Variants in SYNE2 observed in about 807,000 individuals in gnomAD.
SYNE2 encodes nesprin-2.
SYNE2 carries 431 observed loss-of-function variants against 856.3 expected under a neutral mutation model. That is an observed-to-expected ratio of 0.50 (90% confidence interval 0.47 to 0.55). SYNE2 has a LOEUF of 0.55. Ranked by LOEUF, SYNE2 falls within the 20% of genes least tolerant of loss-of-function variation. The pLI, the probability that SYNE2 is intolerant of heterozygous loss-of-function variation, is 0.00. For synonymous variants in SYNE2, 2,923 were observed against 2,872.3 expected (o/e 1.02, Z -0.56); for missense variants, 8,129 against 8,023.2 (o/e 1.01, Z -0.50).
In SYNE2 at chr14:64,214,475, C is replaced by T. The variant is rs1152590; in HGVS notation, c.19333+5C>T. 655,531 of 1,607,706 alleles carry T rather than the reference C, an allele frequency of 0.41. 141,801 individuals are homozygous for T. Among genetic ancestry groups the T allele is most frequent in the African/African-American group, 0.76 (57,050 of 74,844 alleles). ...CATACTACAGCGCACTGTCAGGTAA[C>T]AGCTGGGTTCCCAGCACCCTGGAAA... On this transcript the variant is annotated splice_donor_5th_base_variant and intron_variant, in intron 106 of 115. Coordinates refer to ENST00000555002, the MANE Select transcript of SYNE2 (RefSeq NM_182914.3).
chr14:64,021,175 CAT>C (rs1490186459), intron 35 of SYNE2, 138 bp from the exon 36 acceptor site: 7 of 729,050 alleles, frequency 9.6e-6, no homozygotes, highest in East Asian at 8.1e-5. Context: ...GTATCAGTGA[CAT>C]AGAAAAACGT....
In SYNE2 at chr14:64,052,775, G is replaced by A. The variant is rs373930498; in HGVS notation, c.8862G>A (p.Ala2954=). Residue 2954 remains alanine (A), a synonymous_variant, in exon 48 of 116, where the codon GCG becomes GCA. Coordinates refer to ENST00000555002, the MANE Select transcript of SYNE2 (RefSeq NM_182914.3). Reference sequence around the variant, plus strand: ...GACAATTCCATGAAAAAACATCAGCGCTTCAGGAGGAGGCTGACAGTATAC... The same window carrying A: ...GACAATTCCATGAAAAAACATCAGCACTTCAGGAGGAGGCTGACAGTATAC... ...FCRQFHEKTS[A]LQEEADSIQR... 11 of 1,612,310 alleles carry A rather than the reference G, an allele frequency of 6.8e-6. No individual in the cohort carries two copies. Among genetic ancestry groups the A allele is most frequent in the East Asian group, 6.7e-5 (3 of 44,868 alleles).
intron 2 of SYNE2, among the ~76,000 whole-genome samples, chr14:63,923,315 A>G (rs1459396933): frequency 6.6e-6 from 1 of 152,232 alleles, no homozygotes; most frequent in African/African-American, 2.4e-5. Flanking sequence ...TAAGACTGTC[A>G]GGTGTTTACA....
intron 1 of SYNE2, among the ~76,000 whole-genome samples, chr14:63,908,852 T>C (rs1413961333): frequency 1.3e-5 from 2 of 152,202 alleles, no homozygotes; most frequent in African/African-American, 4.8e-5. Context: ...GAATCCACAA[T>C]GCTAGTTCTT....
intron 85 of SYNE2, among the ~76,000 whole-genome samples, chr14:64,157,789 A>G (rs1337429615): frequency 1.1e-4 from 16 of 152,190 alleles, no homozygotes; most frequent in Admixed American, 1.0e-3. Flanking sequence ...ATGTGAAATA[A>G]TATCTCATTG....
At chr14:64,033,121 TTG>T (rs1194621376) in intron 45 of SYNE2, among the ~76,000 whole-genome samples, 9 of 152,206 alleles carry the variant, frequency 5.9e-5, no homozygotes, top group Non-Finnish European at 1.3e-4. Flanking sequence ...TGAGCCATGA[TTG>T]TGTCACTGTG....
At chr14:64,021,756 A>G in intron 36 of SYNE2, 101 bp from the exon 37 acceptor site, 2 of 1,289,314 alleles carry the variant, frequency 1.6e-6, no homozygotes, top group South Asian at 2.5e-5. Flanking sequence ...CACTCAACAG[A>G]GAGTCATTGA....
chr14:64,076,078 C>A lies in SYNE2; in HGVS notation c.11000C>A (p.Ala3667Asp). 6.2e-7 allele frequency: 1 copy of A among 1,613,722 alleles called. No individual in the cohort carries two copies. The highest frequency in any genetic ancestry group is 8.5e-7 in the Non-Finnish European group (1 of 1,179,768). The change falls in exon 54 of 116, where the codon GCT (alanine) becomes GAT (aspartate). Residue 3667 changes from alanine (A) to aspartate (D), a missense_variant. Physicochemically the swap from Ala to Asp is moderately radical, Grantham distance 126. This residue lies in a region of SYNE2 where 5,410 missense variants were observed against 5,284.8 expected (regional missense o/e 1.02). Coordinates refer to ENST00000555002, the MANE Select transcript of SYNE2 (RefSeq NM_182914.3). ...IESQVEECRK[A>D]LEDIDEKISN... ...TCCCAGGTGGAAGAATGCAGAAAAG[C>A]TTTAGAAGACATAGATGAGAAGGTA...
intron 12 of SYNE2, among the ~76,000 whole-genome samples, 158 bp downstream of exon 12, chr14:63,976,885 CT>C (rs1364114616): frequency 6.6e-6 from 1 of 151,684 alleles, no homozygotes; most frequent in Admixed American, 6.6e-5. Flanking sequence ...TAGAATGTAA[CT>C]TTACCTTCAT....
intron 10 of SYNE2, among the ~76,000 whole-genome samples, chr14:63,965,055 T>C (rs1383733363): frequency 6.6e-6 from 1 of 150,836 alleles, no homozygotes; most frequent in Non-Finnish European, 1.5e-5. Context: ...CTCTGCCTCC[T>C]GGGTTCAAGC....
chr14:63,902,884 T>G (rs74479378), intron 1 of SYNE2, among the ~76,000 whole-genome samples: 3,809 of 151,996 alleles, frequency 0.025, 82 homozygotes, highest in Non-Finnish European at 0.038. Flanking sequence ...TTTGTTGAGA[T>G]GAAGGCTGGT....
In SYNE2 at chr14:64,129,460, C is replaced by G. The variant is rs1010634757; in HGVS notation, c.14020-322C>G. ...ACAATAGCATGCTGTGTGTCTGTTT[C>G]GAAGGAGCTAGATATGTGTATACCA... On this transcript the variant is annotated intron_variant, in intron 74 of 115. Coordinates refer to ENST00000555002, the MANE Select transcript of SYNE2 (RefSeq NM_182914.3). 4.6e-5 allele frequency among the ~76,000 whole-genome samples: 7 copies of G among 152,108 alleles called. 1 individual carries two copies. Among genetic ancestry groups the G allele is most frequent in the Non-Finnish European group, 1.0e-4 (7 of 68,026 alleles).
intron 89 of SYNE2, among the ~76,000 whole-genome samples, chr14:64,164,830 T>C (rs2098362148): frequency 6.6e-6 from 1 of 152,084 alleles, no homozygotes; most frequent in African/African-American, 2.4e-5. Context: ...AACTTCTGGG[T>C]GTTGAAAACA....
chr14:64,116,337 T>C (rs991413826), intron 66 of SYNE2, among the ~76,000 whole-genome samples: 44 of 152,226 alleles, frequency 2.9e-4, no homozygotes, highest in African/African-American at 1.0e-3. Flanking sequence ...TACTCTAATG[T>C]CTGGTAGTTC....
Position 64,141,524 on chromosome 14 carries a change from G to T in SYNE2, c.15159+1G>T, listed in dbSNP as rs778511275. On this transcript the variant is annotated splice_donor_variant, in intron 81 of 115. Coordinates refer to ENST00000555002, the MANE Select transcript of SYNE2 (RefSeq NM_182914.3). LOFTEE classifies it high-confidence loss of function. ...AGATATTCAAGAAAAACTTCACCAG[G>T]TAAGTCTTTAGAGCCTCAGCATTTG... 3.1e-6 allele frequency: 5 copies of T among 1,613,684 alleles called. No individual in the cohort carries two copies. In the East Asian group the frequency reaches 8.9e-5, roughly 29 times the overall value.
chr14:64,121,124 G>T, intron 68 of SYNE2, 63 bp downstream of exon 68: 3 of 1,605,800 alleles, frequency 1.9e-6, no homozygotes, highest in South Asian at 2.2e-5. Context: ...GCAAGGTGGT[G>T]CAAACCTACA....
intron 45 of SYNE2, among the ~76,000 whole-genome samples, chr14:64,038,094 C>T (rs1161800535): frequency 6.6e-5 from 10 of 151,526 alleles, no homozygotes; most frequent in Admixed American, 4.6e-4. Context: ...ACGGGGCGGC[C>T]GGGCAGAGAT....
chr14:64,063,438 A>G (rs180795057), intron 50 of SYNE2, among the ~76,000 whole-genome samples: 5 of 152,370 alleles, frequency 3.3e-5, no homozygotes, highest in Admixed American at 6.5e-5. Context: ...ACAGACAGTC[A>G]TCCCCCAATA....
chr14:64,148,355 C>T (rs954023706), intron 84 of SYNE2, among the ~76,000 whole-genome samples: 1 of 152,124 alleles, frequency 6.6e-6, no homozygotes, highest in Admixed American at 6.5e-5. Flanking sequence ...AATAGAAAAC[C>T]ATTTCTCACA....
Sources: gnomAD v4.1 joint callset for allele counts (sites outside exome capture counted in the v4.1 genomes callset) on GRCh38, gnomAD v4.1.1 for gene constraint, gnomAD v4.1.1 regional missense constraint, MANE v1.5 for transcripts, NCBI Gene and HGNC (gene_info 2026-07-23, HGNC 2026-07-21) for gene names.